Variants in CDKAL1 observed in about 807,000 individuals in gnomAD.
CDKAL1 encodes the protein CDKAL1 threonylcarbamoyladenosine tRNA methylthiotransferase.
A neutral mutation model predicts 68.2 loss-of-function variants in CDKAL1; 32 were observed. The observed-to-expected ratio is 0.47, with a 90% CI of 0.35 to 0.63. The LOEUF (loss-of-function observed/expected upper bound fraction) is 0.63, where lower values mean the gene tolerates loss of function less well. Among genes scored for constraint, CDKAL1 ranks in the 30% least tolerant of loss-of-function variants. The probability of loss-of-function intolerance (pLI) is 0.00; values close to 1 mark genes in which losing one functional copy is unlikely to be tolerated. For missense variants in CDKAL1, 606 were observed against 696.7 expected (o/e 0.87, Z 1.47); for synonymous variants, 234 against 244.3 (o/e 0.96, Z 0.39).
rs777684631 is a variant in CDKAL1 at position 20,802,581 on chromosome 6, C to T, written c.638+21316C>T. 2.6e-5 allele frequency among the ~76,000 whole-genome samples: 4 copies of T among 152,160 alleles called. No individual in the cohort carries two copies. The East Asian group carries it at 7.7e-4, about 29-fold the overall frequency. The stretch of plus-strand genomic sequence containing the variant: ...ATGCATTCTTATATGTATACACACA[C>T]ATATATAAGAACATATATATGTTCT... On this transcript the variant is annotated intron_variant, in intron 8 of 15. Transcript: ENST00000274695.
At chr6:20,663,696 A>G (rs1203368282) in intron 5 of CDKAL1, among the ~76,000 whole-genome samples, 1 of 152,068 alleles carries the variant, frequency 6.6e-6, no homozygotes, top group Non-Finnish European at 1.5e-5. Flanking sequence ...TATGTTTTTC[A>G]TTGTTCTGAG....
chr6:20,635,236 G>A (rs939355550), intron 4 of CDKAL1, among the ~76,000 whole-genome samples: 1 of 152,112 alleles, frequency 6.6e-6, no homozygotes, highest in Non-Finnish European at 1.5e-5. Context: ...AGACTGGAGG[G>A]TAGGAGTAGG....
intron 8 of CDKAL1, among the ~76,000 whole-genome samples, chr6:20,797,015 A>G (rs1031534461): frequency 9.2e-5 from 14 of 152,322 alleles, no homozygotes; most frequent in African/African-American, 3.1e-4. Context: ...TGATCTATAA[A>G]AGGATAAAAG....
rs926496144 is a variant in CDKAL1 at position 20,980,301 on chromosome 6, G to C, written c.910-19926G>C. On this transcript the variant is annotated intron_variant, in intron 10 of 15. Coordinates refer to ENST00000274695, the MANE Select transcript of CDKAL1 (RefSeq NM_017774.3). ...CGCCCAGGCTGGAGTGCAGTGGCGC[G>C]ATCTCGGCTCACTGCAAGCTCCGCC... Among the ~76,000 whole-genome samples, 4 of 151,782 alleles carry C rather than the reference G, an allele frequency of 2.6e-5. No individual in the cohort carries two copies. The East Asian group carries it at 5.9e-4, about 22-fold the overall frequency.
intron 11 of CDKAL1, among the ~76,000 whole-genome samples, chr6:21,016,966 CGTT>C (rs557730130): frequency 1.3e-5 from 2 of 152,166 alleles, no homozygotes; most frequent in Non-Finnish European, 2.9e-5. Context: ...AAAATAAAAA[CGTT>C]GTATTTCTTT....
intron 13 of CDKAL1, among the ~76,000 whole-genome samples, chr6:21,129,740 T>G (rs1309389349): frequency 7.5e-6 from 1 of 133,654 alleles, no homozygotes; most frequent in Admixed American, 7.4e-5. Flanking sequence ...ACTCTAGATA[T>G]AATACAAAAT....
At chr6:20,683,726 A>G (rs1183205216) in intron 5 of CDKAL1, among the ~76,000 whole-genome samples, 1 of 152,204 alleles carries the variant, frequency 6.6e-6, no homozygotes, top group Middle Eastern at 3.2e-3. Context: ...ATCATTATCA[A>G]TCACCCAGAG....
intron 13 of CDKAL1, chr6:21,135,818 T>G: frequency 2.5e-6 from 1 of 398,296 alleles, no homozygotes; most frequent in Non-Finnish European, 3.4e-6. Flanking sequence ...GGAGAACGGG[T>G]GCCATCCAGG....
intron 8 of CDKAL1, among the ~76,000 whole-genome samples, chr6:20,792,563 C>T (rs973398543): frequency 3.3e-5 from 5 of 152,160 alleles, no homozygotes; most frequent in Non-Finnish European, 7.3e-5. Context: ...TTCTCCTCCC[C>T]CACTTTCTCC....
At chr6:20,792,575 GTC>G (rs1775942913) in intron 8 of CDKAL1, among the ~76,000 whole-genome samples, 1 of 152,086 alleles carries the variant, frequency 6.6e-6, no homozygotes, top group South Asian at 2.1e-4. Flanking sequence ...ACTTTCTCCT[GTC>G]TCTGTTATTT....
At chr6:20,679,373 A>G (rs1770270657) in intron 5 of CDKAL1, among the ~76,000 whole-genome samples, 1 of 152,204 alleles carries the variant, frequency 6.6e-6, no homozygotes, top group Admixed American at 6.5e-5. Context: ...ACATTTGTAC[A>G]TTGACCTACT....
intron 8 of CDKAL1, among the ~76,000 whole-genome samples, chr6:20,813,470 T>A (rs559867202): frequency 2.6e-5 from 4 of 152,190 alleles, no homozygotes; most frequent in Admixed American, 6.5e-5. Context: ...TAAAGTCCAG[T>A]TTATGATATT....
At chr6:20,947,222 A>G (rs1764281041) in intron 9 of CDKAL1, among the ~76,000 whole-genome samples, 1 of 152,214 alleles carries the variant, frequency 6.6e-6, no homozygotes, top group South Asian at 2.1e-4. Context: ...TTTGCTGTTT[A>G]AGTACAGATG....
chr6:21,045,848 C>T (rs1042838764), intron 11 of CDKAL1, among the ~76,000 whole-genome samples: 4 of 152,110 alleles, frequency 2.6e-5, no homozygotes, highest in Non-Finnish European at 5.9e-5. Flanking sequence ...CATCCGATGG[C>T]GTCTCAAGTC....
chr6:21,130,823 T>G (rs1488299580), intron 13 of CDKAL1, among the ~76,000 whole-genome samples: 1 of 152,092 alleles, frequency 6.6e-6, no homozygotes, highest in East Asian at 1.9e-4. Flanking sequence ...AAGAGTACAG[T>G]GGCTAGGGTT....
intron 4 of CDKAL1, among the ~76,000 whole-genome samples, chr6:20,609,996 AT>A (rs933005266): frequency 1.3e-5 from 2 of 152,146 alleles, no homozygotes; most frequent in Non-Finnish European, 2.9e-5. Context: ...TGTTCTCATC[AT>A]TTAGCTCCCA....
intron 11 of CDKAL1, among the ~76,000 whole-genome samples, chr6:21,015,203 C>A (rs1768257781): frequency 6.6e-6 from 1 of 152,152 alleles, no homozygotes; most frequent in African/African-American, 2.4e-5. Flanking sequence ...TTTCTATTTT[C>A]TTTGTTTTCA....
chr6:20,904,026 G>C lies in CDKAL1; in HGVS notation c.743-51393G>C, dbSNP rs1012332365. 3.3e-5 allele frequency among the ~76,000 whole-genome samples: 5 copies of C among 152,302 alleles called. No homozygotes were observed. In the South Asian group the frequency reaches 1.0e-3, roughly 32 times the overall value. ...CACACCCCTATCCCTCAGCCTTGGGGTAGGCAGCCATACACTTGGTCTAAG... is the reference window on the plus strand; with the variant it reads ...CACACCCCTATCCCTCAGCCTTGGGCTAGGCAGCCATACACTTGGTCTAAG... On this transcript the variant is annotated intron_variant, in intron 9 of 15. Transcript: ENST00000274695.
chr6:20,856,556 A>T (rs1207163361), intron 9 of CDKAL1, among the ~76,000 whole-genome samples: 1 of 152,232 alleles, frequency 6.6e-6, no homozygotes, highest in Non-Finnish European at 1.5e-5. Context: ...TGGGTATCTA[A>T]CGTTTTACCA....
Sources: gnomAD v4.1 joint callset for allele counts (sites outside exome capture counted in the v4.1 genomes callset) on GRCh38, gnomAD v4.1.1 for gene constraint, MANE v1.5 for transcripts, NCBI Gene and HGNC (gene_info 2026-07-23, HGNC 2026-07-21) for gene names.